FOXP2: variants seen among roughly 807,000 people sequenced by gnomAD.
FOXP2 encodes the protein forkhead box P2.
Under a neutral mutation model 115.8 loss-of-function variants are expected in FOXP2, and 12 were observed. The ratio of observed to expected loss-of-function variants is 0.10; its 90% confidence interval spans 0.07 to 0.17. FOXP2 has a LOEUF of 0.17. Among genes scored for constraint, FOXP2 ranks in the 10% least tolerant of loss-of-function variants. The probability of loss-of-function intolerance (pLI) is 1.00; values close to 1 mark genes in which losing one functional copy is unlikely to be tolerated. For missense variants in FOXP2, 629 were observed against 843.5 expected (o/e 0.75, Z 3.15); for synonymous variants, 328 against 297.7 (o/e 1.10, Z -1.05).
chr7:114,598,604 A>T (rs1447329266), intron 3 of FOXP2, among the ~76,000 whole-genome samples: 1 of 152,046 alleles, frequency 6.6e-6, no homozygotes, highest in Non-Finnish European at 1.5e-5. Context: ...TTTAATTTTT[A>T]AAAAATTTAA....
chr7:114,091,667 TG>T (rs1326589514), intron 1 of FOXP2, among the ~76,000 whole-genome samples: 2 of 151,978 alleles, frequency 1.3e-5, no homozygotes, highest in Non-Finnish European at 1.5e-5. Context: ...TCACTTTTAC[TG>T]TTTCATGTTG....
intron 2 of FOXP2, among the ~76,000 whole-genome samples, chr7:114,496,173 T>A (rs1463261827): frequency 6.6e-6 from 1 of 152,158 alleles, no homozygotes; most frequent in African/African-American, 2.4e-5. Context: ...TCCTTATTAA[T>A]AGCTACTGTT....
chr7:114,386,115 C>T (rs1802811125), intron 2 of FOXP2, among the ~76,000 whole-genome samples: 2 of 152,164 alleles, frequency 1.3e-5, no homozygotes, highest in Admixed American at 1.3e-4. Context: ...CAGCGGACAC[C>T]CTGCCGGATC....
intron 2 of FOXP2, among the ~76,000 whole-genome samples, chr7:114,523,416 C>G (rs931144915): frequency 1.3e-5 from 2 of 152,160 alleles, no homozygotes; most frequent in Admixed American, 1.3e-4. Context: ...CATCCCTTTC[C>G]TCCCCTGGTT....
chr7:114,474,744 A>G (rs946816812), intron 2 of FOXP2, among the ~76,000 whole-genome samples: 5 of 152,286 alleles, frequency 3.3e-5, no homozygotes, highest in Non-Finnish European at 7.4e-5. Flanking sequence ...CCATGCAGTA[A>G]TTCAATACCA....
chr7:114,542,699 T>C (rs1169772075), intron 3 of FOXP2, among the ~76,000 whole-genome samples: 1 of 152,174 alleles, frequency 6.6e-6, no homozygotes, highest in Non-Finnish European at 1.5e-5. Flanking sequence ...TTGTGCTGAT[T>C]GTGATTATTT....
chr7:114,507,918 ACT>A (rs1797901107), intron 2 of FOXP2, among the ~76,000 whole-genome samples: 1 of 151,920 alleles, frequency 6.6e-6, no homozygotes, highest in African/African-American at 2.4e-5. Context: ...CCCCTGGAAG[ACT>A]CTGCCACAGA....
rs182929577 is a variant in FOXP2, at chr7:114,373,255, C to T, written c.-10-53247C>T. ...CAGGATGGTCTCGATCTCCTGACCT[C>T]GTGATCCGCCTGCCTCGGCCTCCCA... On this transcript the variant is annotated intron_variant, in intron 2 of 17. Coordinates refer to the FOXP2 transcript ENST00000634411. 6.6e-3 allele frequency among the ~76,000 whole-genome samples: 1,001 copies of T among 152,232 alleles called. 8 individuals carry two copies. Among genetic ancestry groups the T allele is most frequent in the African/African-American group, 0.02 (847 of 41,546 alleles).
intron 16 of FOXP2, among the ~76,000 whole-genome samples, chr7:114,686,152 T>C (rs1001095129): frequency 5.3e-5 from 8 of 152,010 alleles, no homozygotes; most frequent in African/African-American, 1.7e-4. Flanking sequence ...CTATAGTCTA[T>C]GCAATACCTG....
chr7:114,610,076 A>G (rs1332717128), intron 3 of FOXP2, among the ~76,000 whole-genome samples: 1 of 152,232 alleles, frequency 6.6e-6, no homozygotes, highest in Non-Finnish European at 1.5e-5. Context: ...AAGAAGTGAC[A>G]TGATTGGTTA....
chr7:114,376,281 A>G (rs1792134971), intron 2 of FOXP2, among the ~76,000 whole-genome samples: 1 of 152,232 alleles, frequency 6.6e-6, no homozygotes, highest in Non-Finnish European at 1.5e-5. Context: ...TTCTATTTCC[A>G]TGAGAACAAA....
intron 2 of FOXP2, among the ~76,000 whole-genome samples, chr7:114,519,199 T>C (rs1798492374): frequency 1.3e-5 from 2 of 152,152 alleles, no homozygotes; most frequent in African/African-American, 2.4e-5. Flanking sequence ...AGCAATACCA[T>C]AGAAGCTCAA....
At chr7:114,470,542 T>G (rs1795999555) in intron 2 of FOXP2, among the ~76,000 whole-genome samples, 1 of 152,190 alleles carries the variant, frequency 6.6e-6, no homozygotes, top group African/African-American at 2.4e-5. Flanking sequence ...GTTCATTGTA[T>G]TCCCAACATC....
chr7:114,130,163 A>G (rs1337473789), intron 1 of FOXP2, among the ~76,000 whole-genome samples: 1 of 152,128 alleles, frequency 6.6e-6, no homozygotes, highest in East Asian at 1.9e-4. Flanking sequence ...AAAAATAAAA[A>G]TAAAATAAAA....
At chr7:114,499,051 G>A in intron 2 of FOXP2, 1 of 606,064 alleles carries the variant, frequency 1.6e-6, no homozygotes, top group Non-Finnish European at 3.0e-6. Context: ...TAGACCTACT[G>A]AATCAGAAAC....
At chr7:114,291,842 T>C (rs1045008674) in intron 2 of FOXP2, among the ~76,000 whole-genome samples, 5 of 142,500 alleles carry the variant, frequency 3.5e-5, no homozygotes, top group Middle Eastern at 3.3e-3. Context: ...TAATGTTTTA[T>C]ATATATATAA....
chr7:114,634,209 TG>T (rs1452132617), intron 6 of FOXP2, among the ~76,000 whole-genome samples: 3 of 152,118 alleles, frequency 2.0e-5, no homozygotes, highest in African/African-American at 7.2e-5. Context: ...TTGACCAGGC[TG>T]GTCTCTAACC....
chr7:114,255,275 A>T (rs1468631682), intron 1 of FOXP2, among the ~76,000 whole-genome samples: 2 of 152,262 alleles, frequency 1.3e-5, no homozygotes, highest in East Asian at 3.9e-4. Flanking sequence ...CCATTCTCAG[A>T]TCTTAAACTC....
At chr7:114,292,757 C>T (rs1046014840) in intron 2 of FOXP2, among the ~76,000 whole-genome samples, 1 of 152,170 alleles carries the variant, frequency 6.6e-6, no homozygotes, top group Non-Finnish European at 1.5e-5. Context: ...CATTCCCCTG[C>T]TATCCATAGA....
Sources: allele counts gnomAD v4.1 joint callset (sites outside exome capture counted in the v4.1 genomes callset), GRCh38; gene constraint gnomAD v4.1.1; transcripts MANE v1.5; gene names NCBI Gene and HGNC (gene_info 2026-07-23, HGNC 2026-07-21).